HAUS7: variants seen among roughly 807,000 people sequenced by gnomAD.
The protein encoded by HAUS7 is HAUS augmin like complex subunit 7.
A neutral mutation model predicts 28.4 loss-of-function variants in HAUS7; 3 were observed. The observed-to-expected ratio is 0.11, with a 90% CI of 0.05 to 0.27. HAUS7 has a LOEUF of 0.27. Among genes scored for constraint, HAUS7 ranks in the 10% least tolerant of loss-of-function variants. HAUS7 has a pLI of 1.00. For missense variants in HAUS7, 284 were observed against 297.3 expected (o/e 0.96, Z 0.33); for synonymous variants, 165 against 132.1 (o/e 1.25, Z -1.71).
At position 153,467,283 on chromosome X, in the gene HAUS7, T is replaced by C. The variant is rs1412073245; in HGVS notation, c.224+1863A>G. Among the ~76,000 whole-genome samples the C allele has an allele frequency of 4.5e-5, 5 of 111,902 alleles. No individual in the cohort carries two copies. The Admixed American group carries it at 4.7e-4, about 11-fold the overall frequency. ...GCGCAGGGCTCCTTCTGTCTTTCCC[T>C]GGGGTATTGGTCTCCCTGCCTGCAG... is the stretch of plus-strand genomic sequence containing the variant. On this transcript the variant is annotated intron_variant, in intron 2 of 9. Transcript: ENST00000370211.
At chrX:153,453,846 G>C (rs1556981447) in intron 9 of HAUS7, among the ~76,000 whole-genome samples, 2 of 106,401 alleles carry the variant, frequency 1.9e-5, no homozygotes, top group Non-Finnish European at 3.9e-5. Flanking sequence ...TTTTAAGACA[G>C]GGTCTGGCTG....
chrX:153,494,743 G>C (rs1556990306), intron 1 of HAUS7, among the ~76,000 whole-genome samples: 1 of 105,077 alleles, frequency 9.5e-6, no homozygotes, highest in African/African-American at 3.5e-5. Flanking sequence ...CGGGGGAGGG[G>C]GGGGGAGGTG....
At chrX:153,471,682 CA>C (rs2089525492), upstream of HAUS7, among the ~76,000 whole-genome samples, 1 of 112,256 alleles carries the variant, frequency 8.9e-6, no homozygotes, top group Non-Finnish European at 1.9e-5. Context: ...AGGGTGGGAT[CA>C]GGGGGCAAGT....
At chrX:153,467,574 G>T (rs1279519506) in intron 2 of HAUS7, among the ~76,000 whole-genome samples, 1 of 111,735 alleles carries the variant, frequency 8.9e-6, no homozygotes, top group African/African-American at 3.3e-5. Flanking sequence ...CAGATCAAAT[G>T]CCACCTCCTC....
chrX:153,466,711 C>G (rs1250122434), intron 2 of HAUS7, among the ~76,000 whole-genome samples: 1 of 112,296 alleles, frequency 8.9e-6, no homozygotes, highest in Non-Finnish European at 1.9e-5. Flanking sequence ...ATCGTATGCT[C>G]CCTGGCAGCT....
intron 8 of HAUS7, chrX:153,454,782 C>T (rs1370446559): frequency 3.2e-6 from 2 of 624,844 alleles, no homozygotes; most frequent in Non-Finnish European, 5.0e-6. Flanking sequence ...AGGGACATGC[C>T]AGCCAGCACT....
intron 1 of HAUS7, chrX:153,483,449 G>C: frequency 1.3e-6 from 1 of 755,870 alleles, no homozygotes. Flanking sequence ...TCTCCCGTGA[G>C]TGGCAGTCCC....
intron 9 of HAUS7, 106 bp downstream of exon 9, chrX:153,454,288 A>AG (rs2089273893): frequency 4.1e-6 from 2 of 484,397 alleles, no homozygotes; most frequent in African/African-American, 4.9e-5. Context: ...GAAAAACAAA[A>AG]GAAGGGGCCG....
intron 1 of HAUS7, chrX:153,486,736 A>G: frequency 1.0e-6 from 1 of 982,045 alleles, no homozygotes; most frequent in South Asian, 2.0e-5. Flanking sequence ...CATCCCGCCC[A>G]CTGCCTTCTC....
In HAUS7 at chrX:153,447,768, G is replaced by T; in HGVS notation, c.*110C>A. 1 of 661,035 alleles carries T rather than the reference G, an allele frequency of 1.5e-6. No individual in the cohort carries two copies. Among genetic ancestry groups the T allele is most frequent in the Non-Finnish European group, 2.6e-6 (1 of 391,106 alleles). The allele number at this position is 661,035 out of a possible 1,213,427, so 54.5% of individuals were successfully genotyped here. A position where few individuals can be genotyped will look rare whatever the true frequency, so the allele number is the denominator to read the frequency against. Reference sequence around the variant, plus strand: ...CCTGCCTAGAGCACAACGTGGGGCTGCAACGGCTTCTGCTGCCACAATCAT... The same window carrying T: ...CCTGCCTAGAGCACAACGTGGGGCTTCAACGGCTTCTGCTGCCACAATCAT... On this transcript the variant is annotated 3_prime_UTR_variant, in exon 10 of 10. Coordinates refer to ENST00000370211, the MANE Select transcript of HAUS7 (RefSeq NM_001385482.1).
intron 1 of HAUS7, among the ~76,000 whole-genome samples, chrX:153,470,186 C>G (rs2089503684): frequency 8.8e-6 from 1 of 113,422 alleles, no homozygotes; most frequent in African/African-American, 3.2e-5. Flanking sequence ...GAGCGCCCAG[C>G]GCGGGTACTG....
At chrX:153,490,300 C>T (rs2089663797) in intron 1 of HAUS7, among the ~76,000 whole-genome samples, 1 of 113,140 alleles carries the variant, frequency 8.8e-6, no homozygotes, top group Admixed American at 9.2e-5. Flanking sequence ...GAAATTACAG[C>T]CCTGGTGGCC....
At chrX:153,486,027 AGGCCATCCCACGC>A in intron 1 of HAUS7, 1 of 974,986 alleles carries the variant, frequency 1.0e-6, no homozygotes. Flanking sequence ...AACCAGGTGC[AGGCCATCCCACGC>A]GGCCTCCTGG....
At chrX:153,489,828 G>A (rs1178934050) in intron 1 of HAUS7, among the ~76,000 whole-genome samples, 7 of 111,136 alleles carry the variant, frequency 6.3e-5, no homozygotes, top group African/African-American at 1.6e-4. Flanking sequence ...CCTCGCCTTC[G>A]CCACATTCTG....
chrX:153,480,663 C>G, intron 1 of HAUS7: 1 of 754,759 alleles, frequency 1.3e-6, no homozygotes, highest in Non-Finnish European at 1.6e-6. Context: ...TCAGCCCACC[C>G]CGAAGCAGGG....
At chrX:153,491,708 G>T (rs2980044) in intron 1 of HAUS7, among the ~76,000 whole-genome samples, 26,650 of 112,142 alleles carry the variant, frequency 0.24, 3,162 homozygotes, top group East Asian at 0.86. Flanking sequence ...CTGTGCAGGG[G>T]CAACTGCCAG....
At position 153,456,585 on chromosome X, in the gene HAUS7, G is replaced by A; in HGVS notation, c.513C>T (p.Ser171=). The part of the protein sequence containing the change: ...NEALLGELFS[S]PHLQMLLNPE... ...GATTCAGGAGCATCTGCAGGTGGGG[G>A]CTAGAGAAGAGCTCCCCCAGCAAGG... Residue 171 remains serine, a synonymous_variant, in exon 6 of 10, where the codon AGC becomes AGT. Transcript: ENST00000370211. 1 of 1,178,128 alleles carries A rather than the reference G, an allele frequency of 8.5e-7. No homozygotes were observed. The highest frequency in any genetic ancestry group is 1.1e-6 in the Non-Finnish European group (1 of 876,745).
In HAUS7 at chrX:153,454,399, C is replaced by T; in HGVS notation, c.1040G>A (p.Ser347Asn). Reference protein sequence around the residue: ...ICWGGSSSVMSLATKMNELME... With the variant: ...ICWGGSSSVMNLATKMNELME... Reference sequence around the variant, plus strand: ...CCAGGTGGGCAGCCACGTACCTAGACTCATGACGGAGCTGCTGCCACCCCA... The same window carrying T: ...CCAGGTGGGCAGCCACGTACCTAGATTCATGACGGAGCTGCTGCCACCCCA... Residue 347 changes from serine to asparagine, a missense_variant, in exon 9 of 10, where the codon AGT becomes AAT. Physicochemically the swap from Ser to Asn is conservative, Grantham distance 46. Transcript: ENST00000370211. The T allele has an allele frequency of 8.6e-7, 1 of 1,156,443 alleles. No individual in the cohort carries two copies. Among genetic ancestry groups the T allele is most frequent in the African/African-American group, 1.8e-5 (1 of 56,648 alleles).
At chrX:153,465,852 C>T (rs1384045043) in intron 2 of HAUS7, among the ~76,000 whole-genome samples, 1 of 112,401 alleles carries the variant, frequency 8.9e-6, no homozygotes, top group Non-Finnish European at 1.9e-5. Flanking sequence ...CGGTATGACA[C>T]TGAGGCCCAG....
Sources: allele counts gnomAD v4.1 joint callset (sites outside exome capture counted in the v4.1 genomes callset), GRCh38; gene constraint gnomAD v4.1.1; transcripts MANE v1.5; gene names NCBI Gene and HGNC (gene_info 2026-07-23, HGNC 2026-07-21).